The following ST6GALNAC3 variants were observed in gnomAD, a reference collection of about 807,000 sequenced individuals.
The protein encoded by ST6GALNAC3 is alpha-N-acetylgalactosaminide alpha-2,6-sialyltransferase 3.
ST6GALNAC3 carries 25 observed loss-of-function variants against 32.7 expected under a neutral mutation model. The ratio of observed to expected loss-of-function variants is 0.76; its 90% CI spans 0.56 to 1.07. The LOEUF is 1.07. ST6GALNAC3 is among the 50% of genes least tolerant of loss of function. ST6GALNAC3 has a pLI of 0.00. For synonymous variants in ST6GALNAC3, 129 were observed against 133.1 expected (o/e 0.97, Z 0.21); for missense variants, 355 against 382.4 (o/e 0.93, Z 0.60).
At chr1:76,275,107 G>A (rs527553356) in intron 1 of ST6GALNAC3, among the ~76,000 whole-genome samples, 1 of 152,338 alleles carries the variant, frequency 6.6e-6, no homozygotes, top group South Asian at 2.1e-4. Flanking sequence ...TTTGATAGAT[G>A]TTCCTCTAGA....
At chr1:76,228,878 G>A (rs1570507855) in intron 1 of ST6GALNAC3, among the ~76,000 whole-genome samples, 3 of 152,204 alleles carry the variant, frequency 2.0e-5, no homozygotes, top group East Asian at 3.9e-4. Flanking sequence ...GGTCATGCCA[G>A]TCAGGACCCT....
chr1:76,618,179 C>T (rs485141), intron 3 of ST6GALNAC3, among the ~76,000 whole-genome samples: 1 of 152,064 alleles, frequency 6.6e-6, no homozygotes, highest in African/African-American at 2.4e-5. Context: ...ATTAGAGAAA[C>T]TGTAGCCTGG....
intron 1 of ST6GALNAC3, among the ~76,000 whole-genome samples, chr1:76,100,979 G>A (rs1353883888): frequency 6.6e-6 from 1 of 151,698 alleles, no homozygotes; most frequent in Admixed American, 6.6e-5. Context: ...CCCCCATCAG[G>A]GTGCTATATT....
At chr1:76,577,443 C>A in intron 3 of ST6GALNAC3, 1 of 360,482 alleles carries the variant, frequency 2.8e-6, no homozygotes, top group Non-Finnish European at 3.9e-6. Context: ...CATGCCATGC[C>A]GCTCAAAATT....
chr1:76,121,093 G>T (rs1345248103), intron 1 of ST6GALNAC3, among the ~76,000 whole-genome samples: 1 of 152,104 alleles, frequency 6.6e-6, no homozygotes, highest in Non-Finnish European at 1.5e-5. Flanking sequence ...TTACAATGAG[G>T]TTCACCTAGA....
intron 1 of ST6GALNAC3, among the ~76,000 whole-genome samples, chr1:76,259,945 C>T (rs1658129462): frequency 6.6e-6 from 1 of 151,980 alleles, no homozygotes; most frequent in Non-Finnish European, 1.5e-5. Context: ...GAGACTGGTC[C>T]CTCTGTCTTC....
intron 2 of ST6GALNAC3, among the ~76,000 whole-genome samples, chr1:76,333,951 T>C (rs1241479745): frequency 6.6e-6 from 1 of 152,184 alleles, no homozygotes; most frequent in South Asian, 2.1e-4. Flanking sequence ...TTTTCCAAGA[T>C]CATATTGCTC....
At chr1:76,381,431 T>A (rs898273976) in intron 2 of ST6GALNAC3, among the ~76,000 whole-genome samples, 2 of 152,142 alleles carry the variant, frequency 1.3e-5, no homozygotes, top group Non-Finnish European at 2.9e-5. Context: ...AATAATAATA[T>A]TAGTAAACAT....
intron 1 of ST6GALNAC3, among the ~76,000 whole-genome samples, chr1:76,185,194 G>A (rs531648865): frequency 1.9e-4 from 29 of 152,228 alleles, no homozygotes; most frequent in African/African-American, 6.7e-4. Context: ...CCAGGTCAAC[G>A]TTATCTAGTG....
intron 1 of ST6GALNAC3, among the ~76,000 whole-genome samples, chr1:76,098,495 G>A (rs1375949198): frequency 6.6e-6 from 1 of 152,074 alleles, no homozygotes; most frequent in South Asian, 2.1e-4. Flanking sequence ...ATCTCTTTGT[G>A]GTTTTAATTT....
chr1:76,182,318 T>A (rs1249487155), intron 1 of ST6GALNAC3, among the ~76,000 whole-genome samples: 1 of 152,196 alleles, frequency 6.6e-6, no homozygotes, highest in Non-Finnish European at 1.5e-5. Flanking sequence ...ATTTAAGAAG[T>A]AACAAGGCCA....
chr1:76,292,276 G>A (rs555291109), intron 1 of ST6GALNAC3, among the ~76,000 whole-genome samples: 1 of 73,886 alleles, frequency 1.4e-5, no homozygotes, highest in African/African-American at 3.4e-5. Context: ...AGAAATGGTA[G>A]CTTCAGTAGA....
intron 3 of ST6GALNAC3, among the ~76,000 whole-genome samples, chr1:76,482,227 A>AT (rs1262904009): frequency 1.3e-5 from 2 of 151,962 alleles, no homozygotes; most frequent in Non-Finnish European, 1.5e-5. Flanking sequence ...GAGATCTTTC[A>AT]TTTTCTGAAA....
At chr1:76,156,206 A>G (rs1255185517) in intron 1 of ST6GALNAC3, among the ~76,000 whole-genome samples, 2 of 152,182 alleles carry the variant, frequency 1.3e-5, no homozygotes, top group Non-Finnish European at 2.9e-5. Context: ...CATATTATTA[A>G]CATGATTTAA....
At chr1:76,138,999 C>T (rs1650128614) in intron 1 of ST6GALNAC3, among the ~76,000 whole-genome samples, 1 of 152,152 alleles carries the variant, frequency 6.6e-6, no homozygotes, top group Non-Finnish European at 1.5e-5. Context: ...TCGAGACCAT[C>T]CTGGCTAACA....
chr1:76,146,601 G>A (rs366825), intron 1 of ST6GALNAC3, among the ~76,000 whole-genome samples: 35,999 of 151,820 alleles, frequency 0.24, 4,556 homozygotes, highest in Middle Eastern at 0.3. Context: ...CAAATCCATC[G>A]TCTTTTCCCA....
At chr1:76,381,168 TAAA>T (rs71852050) in intron 2 of ST6GALNAC3, among the ~76,000 whole-genome samples, 77 of 90,294 alleles carry the variant, frequency 8.5e-4, no homozygotes, top group East Asian at 4.2e-3. Context: ...TTTGGGCTGC[TAAA>T]AAAAAAAAAA....
chr1:76,521,488 G>A (rs1198200170), intron 3 of ST6GALNAC3, among the ~76,000 whole-genome samples: 2 of 152,074 alleles, frequency 1.3e-5, no homozygotes, highest in Middle Eastern at 3.4e-3. Context: ...TTGAATAGCT[G>A]GGATTACAGT....
chr1:76,226,069 G>A (rs913733933), intron 1 of ST6GALNAC3, among the ~76,000 whole-genome samples: 6 of 152,106 alleles, frequency 3.9e-5, no homozygotes, highest in African/African-American at 7.2e-5. Context: ...TGCTTTTGAC[G>A]TTTATGTTTT....
Sources: allele counts gnomAD v4.1 joint callset (sites outside exome capture counted in the v4.1 genomes callset), GRCh38; gene constraint gnomAD v4.1.1; transcripts MANE v1.5; gene names NCBI Gene and HGNC (gene_info 2026-07-23, HGNC 2026-07-21).